Variants in INPP5A observed in about 807,000 individuals in gnomAD.
INPP5A encodes the protein 43 kDa inositol polyphosphate 5-phophatase.
In INPP5A, 14 loss-of-function variants were observed where a neutral mutation model predicts 65.2. The ratio of observed to expected loss-of-function variants is 0.21; its 90% confidence interval spans 0.14 to 0.34. The LOEUF (loss-of-function observed/expected upper bound fraction) is 0.34, where lower values mean the gene tolerates loss of function less well. Among genes scored for constraint, INPP5A ranks in the 10% least tolerant of loss-of-function variants. The pLI, the probability that INPP5A is intolerant of heterozygous loss-of-function variation, is 1.00. For synonymous variants in INPP5A, 207 were observed against 208.3 expected (o/e 0.99, Z 0.05); for missense variants, 431 against 545.6 (o/e 0.79, Z 2.09).
chr10:132,678,096 C>G lies in INPP5A; in HGVS notation c.307-12296C>G, dbSNP rs1408770399. On this transcript the variant is annotated intron_variant, in intron 4 of 15. Transcript: ENST00000368594. The surrounding 1 kb of genome is among the most constrained non-coding windows in gnomAD (Gnocchi z 4.1). ...ACCTTGGTGCCGTCATCCCGTTTGG[C>G]CCCAGGAGCTGAAATTGGAAAGTCA... is the stretch of plus-strand genomic sequence containing the variant. 6.6e-6 allele frequency among the ~76,000 whole-genome samples: 1 copy of G among 152,226 alleles called. No homozygotes were observed. Among genetic ancestry groups the G allele is most frequent in the African/African-American group, 2.4e-5 (1 of 41,464 alleles).
chr10:132,722,667 C>T (rs575629635), intron 8 of INPP5A, among the ~76,000 whole-genome samples: 1 of 152,342 alleles, frequency 6.6e-6, no homozygotes, highest in South Asian at 2.1e-4. Flanking sequence ...GACGAGCCCC[C>T]CAGCCGTCGC....
chr10:132,697,774 A>T lies in INPP5A; in HGVS notation c.371-42A>T. On this transcript the variant is annotated intron_variant, in intron 5 of 15. Coordinates refer to ENST00000368594, the MANE Select transcript of INPP5A (RefSeq NM_005539.5). The surrounding 1 kb of genome is among the most constrained non-coding windows in gnomAD (Gnocchi z 5.6). ...GTGCTCCAGGCTGGTTGGATGGGGC[A>T]CAGTGATGGGATAGTCACCTCGTCC... 1.5e-6 allele frequency: 2 copies of T among 1,355,428 alleles called. No individual in the cohort carries two copies. The highest frequency in any genetic ancestry group is 2.1e-6 in the Non-Finnish European group (2 of 950,200). 84.0% of individuals were successfully genotyped at this position (1,355,428 alleles called of 1,614,324 possible).
rs377370982 is a variant in INPP5A, at chr10:132,763,865, G to A, written c.904-1908G>A. ...CACACATGCCTGTGCATGCATAAAC[G>A]TGCCTGCATGCAAACACATGCCTGT... On this transcript the variant is annotated intron_variant, in intron 11 of 15. Coordinates refer to ENST00000368594, the MANE Select transcript of INPP5A (RefSeq NM_005539.5). Among the ~76,000 whole-genome samples the A allele has an allele frequency of 3.9e-4, 59 of 151,870 alleles. 3 individuals are homozygous for A. The South Asian group carries it at 5.8e-3, about 15-fold the overall frequency.
intron 11 of INPP5A, among the ~76,000 whole-genome samples, chr10:132,761,673 G>A (rs1455757604): frequency 3.9e-5 from 6 of 152,158 alleles, no homozygotes; most frequent in Non-Finnish European, 7.3e-5. Flanking sequence ...AGGCCAGTGC[G>A]GTGCAGGGAC....
intron 2 of INPP5A, among the ~76,000 whole-genome samples, chr10:132,623,550 G>A (rs2072135720): frequency 6.6e-6 from 1 of 152,070 alleles, no homozygotes; most frequent in South Asian, 2.1e-4. Flanking sequence ...GTTCTAGAAG[G>A]AAACTTAAGA....
chr10:132,582,415 C>CTTT (rs34719567), intron 1 of INPP5A, among the ~76,000 whole-genome samples: 2 of 132,856 alleles, frequency 1.5e-5, no homozygotes, highest in Admixed American at 7.6e-5. Context: ...TTGTTGATAA[C>CTTT]TTTTTTTTTT....
At chr10:132,685,764 G>C (rs571948288) in intron 4 of INPP5A, among the ~76,000 whole-genome samples, 17 of 152,308 alleles carry the variant, frequency 1.1e-4, no homozygotes, top group African/African-American at 3.9e-4. Flanking sequence ...GTGCCTGCCG[G>C]GACGCGTTGT....
At chr10:132,768,803 CTGT>C (rs1177097663) in intron 12 of INPP5A, among the ~76,000 whole-genome samples, 4 of 152,360 alleles carry the variant, frequency 2.6e-5, no homozygotes, top group Admixed American at 6.5e-5. Context: ...ATGGTTTTTG[CTGT>C]TGTTGTTTGA....
chr10:132,653,366 G>A (rs1199249609), intron 4 of INPP5A, among the ~76,000 whole-genome samples: 1 of 152,254 alleles, frequency 6.6e-6, no homozygotes, highest in East Asian at 1.9e-4. Context: ...AGGTGGGTCC[G>A]GAGCGGCCTG....
In INPP5A at chr10:132,741,759, AG is replaced by A. The variant is rs1235914080; in HGVS notation, c.733-7756del. Among the ~76,000 whole-genome samples the A allele has an allele frequency of 6.8e-5, 4 of 59,066 alleles. No individual in the cohort carries two copies. Among genetic ancestry groups the A allele is most frequent in the African/African-American group, 1.7e-4 (4 of 23,472 alleles). The allele number at this position is 59,066 out of a possible 152,430, so 38.7% of individuals were successfully genotyped here. ...TTTACTCAATAGCCGACGTAAACTG[AG>A]GTGGACGTCAGTGTCCGCGTCCGCT... is the stretch of plus-strand genomic sequence containing the variant. On this transcript the variant is annotated intron_variant, in intron 9 of 15. Coordinates refer to ENST00000368594, the MANE Select transcript of INPP5A (RefSeq NM_005539.5). This position sits in a 1 kb window ranked among gnomAD's most constrained non-coding sequence, Gnocchi z 4.4.
chr10:132,654,977 A>G (rs769971772), intron 4 of INPP5A, among the ~76,000 whole-genome samples: 5 of 152,218 alleles, frequency 3.3e-5, no homozygotes, highest in Non-Finnish European at 7.3e-5. Flanking sequence ...AAATGAGGAT[A>G]TTAGGCTGGG....
At position 132,645,439 on chromosome 10, in the gene INPP5A, C is replaced by T. The variant is rs566928973; in HGVS notation, c.118-429C>T. Among the ~76,000 whole-genome samples, 88 of 152,364 alleles carry T rather than the reference C, an allele frequency of 5.8e-4. 1 individual carries two copies. The highest frequency in any genetic ancestry group is 1.4e-3 in the South Asian group (7 of 4,832). Reference sequence around the variant, plus strand: ...GCACACGCGTGCTGGTACGTGCTCCCGCACACGTATGCACACGTGTGCACC... The same window carrying T: ...GCACACGCGTGCTGGTACGTGCTCCTGCACACGTATGCACACGTGTGCACC... On this transcript the variant is annotated intron_variant, in intron 2 of 15. Coordinates refer to ENST00000368594, the MANE Select transcript of INPP5A (RefSeq NM_005539.5).
In INPP5A at chr10:132,654,233, G is replaced by T. The variant is rs149205100; in HGVS notation, c.306+3728G>T. Among the ~76,000 whole-genome samples the T allele has an allele frequency of 7.1e-3, 1,081 of 152,348 alleles. 14 individuals are homozygous for T. The highest frequency in any genetic ancestry group is 8.4e-3 in the Non-Finnish European group (572 of 68,034). On this transcript the variant is annotated intron_variant, in intron 4 of 15. Transcript: ENST00000368594. ...TCTGCTGCCGCCCTTCAGCTCAGTGGGCTCCAGCCCCGGCTTCCCTGCCTG... is the reference window on the plus strand; with the variant it reads ...TCTGCTGCCGCCCTTCAGCTCAGTGTGCTCCAGCCCCGGCTTCCCTGCCTG...
rs1056548834 is a variant in INPP5A at position 132,549,853 on chromosome 10, C to T, written c.75+11682C>T. 2.6e-5 allele frequency among the ~76,000 whole-genome samples: 4 copies of T among 152,168 alleles called. No homozygotes were observed. Among genetic ancestry groups the T allele is most frequent in the South Asian group, 4.1e-4 (2 of 4,834 alleles). Reference sequence around the variant, plus strand: ...GTCTGAGTCACTGTGCCTTAGAGTACGGAGTCAGCCTCAAATTATTAACCA... The same window carrying T: ...GTCTGAGTCACTGTGCCTTAGAGTATGGAGTCAGCCTCAAATTATTAACCA... On this transcript the variant is annotated intron_variant, in intron 1 of 15. Transcript: ENST00000368594. This position sits in a 1 kb window ranked among gnomAD's most constrained non-coding sequence, Gnocchi z 4.9.
rs1045608584 is a variant in INPP5A, at chr10:132,616,707, G to T, written c.117+8751G>T. 1.3e-5 allele frequency among the ~76,000 whole-genome samples: 2 copies of T among 151,338 alleles called. No homozygotes were observed. Among genetic ancestry groups the T allele is most frequent in the African/African-American group, 4.9e-5 (2 of 41,114 alleles). On this transcript the variant is annotated intron_variant, in intron 2 of 15. Transcript: ENST00000368594. This position sits in a 1 kb window ranked among gnomAD's most constrained non-coding sequence, Gnocchi z 4.9. ...GGTGGTGTGGTAATGTGGCGTGGAG[G>T]ATGCAGTGTGGGGGACATGGTGACA...
chr10:132,669,032 G>A (rs923537999), intron 4 of INPP5A, among the ~76,000 whole-genome samples: 5 of 152,140 alleles, frequency 3.3e-5, no homozygotes, highest in Middle Eastern at 3.4e-3. Flanking sequence ...AGGTGGGTGG[G>A]TCACGAGGTC....
chr10:132,631,542 A>G (rs2072273169), intron 2 of INPP5A, among the ~76,000 whole-genome samples: 1 of 152,146 alleles, frequency 6.6e-6, no homozygotes, highest in African/African-American at 2.4e-5. Flanking sequence ...GCTGTGCAGG[A>G]TGTAATTCCT....
chr10:132,716,891 C>T (rs557045185), intron 8 of INPP5A, among the ~76,000 whole-genome samples: 39 of 152,332 alleles, frequency 2.6e-4, no homozygotes, highest in African/African-American at 8.2e-4. Flanking sequence ...CGGGGCTCCC[C>T]GCACGACTCT....
At chr10:132,570,240 C>T (rs114145596) in intron 1 of INPP5A, among the ~76,000 whole-genome samples, 1 of 152,382 alleles carries the variant, frequency 6.6e-6, no homozygotes, top group African/African-American at 2.4e-5. Context: ...AGCCTGCGCT[C>T]TGCTGATATT....
Sources: gnomAD v4.1 joint callset for allele counts (sites outside exome capture counted in the v4.1 genomes callset) on GRCh38, gnomAD v4.1.1 for gene constraint, Gnocchi (gnomAD v3.1) non-coding constraint, MANE v1.5 for transcripts, NCBI Gene and HGNC (gene_info 2026-07-23, HGNC 2026-07-21) for gene names.